The following IGSF5 variants were observed in gnomAD, a reference collection of about 807,000 sequenced individuals.
IGSF5 encodes immunoglobulin superfamily 5 like.
IGSF5 carries 41 observed loss-of-function variants against 39.4 expected under a neutral mutation model. That is an observed-to-expected ratio of 1.04 (90% confidence interval 0.81 to 1.35). The LOEUF is 1.35. IGSF5 is among the 40% of genes most tolerant of loss of function. The probability of loss-of-function intolerance (pLI) is 0.00; values close to 1 mark genes in which losing one functional copy is unlikely to be tolerated. For missense variants in IGSF5, 487 were observed against 494.6 expected, an observed-to-expected ratio of 0.98 and a Z score of 0.15; for synonymous variants, 183 against 175.3, an observed-to-expected ratio of 1.04 and a Z score of -0.34.
intron 2 of IGSF5, among the ~76,000 whole-genome samples, chr21:39,757,746 T>G (rs2080038930): frequency 1.3e-5 from 2 of 152,070 alleles, no homozygotes. Context: ...CTGGCTAATT[T>G]TTGTATTTTC....
upstream of IGSF5, among the ~76,000 whole-genome samples, chr21:39,741,598 C>A (rs1602357718): frequency 6.6e-6 from 1 of 152,162 alleles, no homozygotes; most frequent in Non-Finnish European, 1.5e-5. Flanking sequence ...ACAGGAGTGT[C>A]CAGGTATGAG....
chr21:39,755,682 G>T (rs2080026282), intron 2 of IGSF5, among the ~76,000 whole-genome samples: 1 of 152,090 alleles, frequency 6.6e-6, no homozygotes, highest in Non-Finnish European at 1.5e-5. Context: ...ATTTTGGTTT[G>T]TGCACAGCTG....
rs372123611 is a variant in IGSF5 at position 39,745,332 on chromosome 21, G to T, written c.-178G>T. 36 of 528,182 alleles carry T rather than the reference G, an allele frequency of 6.8e-5. No homozygotes were observed. The highest frequency in any genetic ancestry group is 4.5e-4 in the African/African-American group (23 of 51,638). 32.7% of individuals were successfully genotyped at this position (528,182 alleles called of 1,614,324 possible). ...TAAGACTCCCTGGGCTATAGCCTAG[G>T]TGCCTGAGGACGCAGCGTAGGGCTT... On this transcript the variant is annotated 5_prime_UTR_variant, in exon 1 of 9. Coordinates refer to ENST00000380588, the MANE Select transcript of IGSF5 (RefSeq NM_001080444.2).
chr21:39,711,935 G>A, the IGSF5 span, among the ~76,000 whole-genome samples: 388 of 152,246 alleles, frequency 2.5e-3, 3 homozygotes, highest in African/African-American at 8.9e-3. Flanking sequence ...GTGTCAGGGA[G>A]GCAGTCCCAG....
At chr21:39,788,082 T>G (rs999500967) in intron 5 of IGSF5, 85 bp from the exon 6 acceptor site, 26 of 1,009,954 alleles carry the variant, frequency 2.6e-5, no homozygotes, top group Non-Finnish European at 3.8e-5. Flanking sequence ...TCTGTTAAAA[T>G]AAGGGAGTGT....
At chr21:39,769,263 C>T (rs1189971552) in intron 3 of IGSF5, among the ~76,000 whole-genome samples, 1 of 152,054 alleles carries the variant, frequency 6.6e-6, no homozygotes, top group Non-Finnish European at 1.5e-5. Flanking sequence ...CTCACTTGAG[C>T]CCAGGAGTTT....
the IGSF5 span, among the ~76,000 whole-genome samples, chr21:39,719,985 T>A: frequency 1.3e-5 from 2 of 152,264 alleles, no homozygotes; most frequent in Non-Finnish European, 2.9e-5. Context: ...TTAGACTTTT[T>A]AAAAATAACC....
At chr21:39,759,524 GCA>G (rs1160700868) in intron 2 of IGSF5, among the ~76,000 whole-genome samples, 2 of 152,070 alleles carry the variant, frequency 1.3e-5, no homozygotes, top group African/African-American at 4.8e-5. Context: ...GGTTTGGTGG[GCA>G]GTGGATGAAC....
At chr21:39,798,027 C>T (rs187163749) in intron 8 of IGSF5, among the ~76,000 whole-genome samples, 3 of 152,026 alleles carry the variant, frequency 2.0e-5, no homozygotes, top group Non-Finnish European at 2.9e-5. Flanking sequence ...GCCCCCAGGA[C>T]GGGGAAATTT....
the IGSF5 span, among the ~76,000 whole-genome samples, chr21:39,738,608 G>T: frequency 6.6e-6 from 1 of 152,202 alleles, no homozygotes; most frequent in South Asian, 2.1e-4. The surrounding 1 kb of genome is among the most constrained non-coding windows in gnomAD (Gnocchi z 6.4). Context: ...TTCGATTTGG[G>T]AGCTTAGATA....
intron 2 of IGSF5, among the ~76,000 whole-genome samples, chr21:39,756,128 A>T (rs1017332320): frequency 6.6e-6 from 1 of 152,158 alleles, no homozygotes; most frequent in African/African-American, 2.4e-5. Flanking sequence ...CAAACGAAAG[A>T]ATTACAGACA....
At chr21:39,767,233 A>T (rs376895843) in intron 3 of IGSF5, among the ~76,000 whole-genome samples, 2 of 152,242 alleles carry the variant, frequency 1.3e-5, no homozygotes, top group Non-Finnish European at 2.9e-5. Context: ...GACCCCTGAG[A>T]TGGCTCAATT....
At chr21:39,731,985 G>A in the IGSF5 span, among the ~76,000 whole-genome samples, 11 of 152,238 alleles carry the variant, frequency 7.2e-5, no homozygotes, top group East Asian at 1.9e-4. Flanking sequence ...ATTTGCTCCC[G>A]GAATCCAGCA....
At chr21:39,737,191 A>T in the IGSF5 span, among the ~76,000 whole-genome samples, 2 of 151,796 alleles carry the variant, frequency 1.3e-5, no homozygotes, top group African/African-American at 4.8e-5. Flanking sequence ...TGAAAAAAAA[A>T]AAAACCCCTC....
chr21:39,747,590 T>G (rs911897309), intron 2 of IGSF5, among the ~76,000 whole-genome samples: 2 of 152,152 alleles, frequency 1.3e-5, no homozygotes, highest in East Asian at 1.9e-4. Context: ...ATGATGAAAA[T>G]TCATTATTTA....
At chr21:39,783,475 T>A (rs1266187143) in intron 5 of IGSF5, among the ~76,000 whole-genome samples, 1 of 152,190 alleles carries the variant, frequency 6.6e-6, no homozygotes, top group Non-Finnish European at 1.5e-5. Flanking sequence ...TGATGTTGAA[T>A]GTTTTTTCAT....
chr21:39,733,172 T>C, the IGSF5 span, among the ~76,000 whole-genome samples: 1 of 152,214 alleles, frequency 6.6e-6, no homozygotes, highest in Non-Finnish European at 1.5e-5. Context: ...ATTTGCAATA[T>C]TGAAAAATGG....
At chr21:39,727,648 GGTTA>G in the IGSF5 span, 2 of 152,182 alleles carry the variant, frequency 1.3e-5, no homozygotes, top group African/African-American at 4.8e-5. Flanking sequence ...CATGGTCCCT[GGTTA>G]GCTGCAGGTG....
At position 39,782,520 on chromosome 21, in the gene IGSF5, G is replaced by A. The variant is rs75022526; in HGVS notation, c.934+3215G>A. 6.2e-4 allele frequency among the ~76,000 whole-genome samples: 94 copies of A among 152,086 alleles called. No homozygotes were observed. In the East Asian group the frequency reaches 0.013, roughly 22 times the overall value. ...TATCAAACAATAACTCCCTATTCCC[G>A]CTTCCCCCCAGTCCCTGGCAACCAC... On this transcript the variant is annotated intron_variant, in intron 5 of 8. Transcript: ENST00000380588.
Sources: gnomAD v4.1 joint callset for allele counts (sites outside exome capture counted in the v4.1 genomes callset) on GRCh38, gnomAD v4.1.1 for gene constraint, Gnocchi (gnomAD v3.1) non-coding constraint, MANE v1.5 for transcripts, NCBI Gene and HGNC (gene_info 2026-07-23, HGNC 2026-07-21) for gene names.